XIRP2: variants seen among roughly 807,000 people sequenced by gnomAD.
The protein encoded by XIRP2 is xin actin binding repeat containing 2, also known as xin actin-binding repeat-containing protein 2.
In XIRP2, 236 loss-of-function variants were observed where a neutral mutation model predicts 277.0. The ratio of observed to expected loss-of-function variants is 0.85; its 90% CI spans 0.77 to 0.95. XIRP2 has a LOEUF of 0.95. XIRP2 is among the 40% of genes least tolerant of loss of function. XIRP2 has a pLI of 0.00. For missense variants in XIRP2, 4,640 were observed against 4,157.5 expected, an observed-to-expected ratio of 1.12 and a Z score of -3.19; for synonymous variants, 1,490 against 1,416.5, an observed-to-expected ratio of 1.05 and a Z score of -1.17.
intron 3 of XIRP2, among the ~76,000 whole-genome samples, chr2:167,173,535 T>C (rs1474305933): frequency 2.0e-5 from 3 of 152,230 alleles, no homozygotes; most frequent in Non-Finnish European, 4.4e-5. Context: ...TATCTGTTGA[T>C]GGACATTTAG....
At chr2:167,241,019 C>T (rs1370733234) in intron 7 of XIRP2, among the ~76,000 whole-genome samples, 1 of 152,152 alleles carries the variant, frequency 6.6e-6, no homozygotes, top group Non-Finnish European at 1.5e-5. Context: ...GCCTCAGGGA[C>T]CTACAGTAAA....
In XIRP2 at chr2:167,078,294, A is replaced by G. The variant is rs895551275; in HGVS notation, c.409-57615A>G. 1.5e-4 allele frequency among the ~76,000 whole-genome samples: 23 copies of G among 152,222 alleles called. 1 individual carries two copies. The highest frequency in any genetic ancestry group is 1.3e-3 in the Admixed American group (20 of 15,276). On this transcript the variant is annotated intron_variant, in intron 2 of 10. Transcript: ENST00000409195. ...TCTCAGCTTGAATTTTTTTTGGTGT[A>G]TAGAAATGCTGCAGATTTTTGTACA...
At chr2:167,128,566 AT>A (rs1454794000) in intron 2 of XIRP2, among the ~76,000 whole-genome samples, 2 of 152,100 alleles carry the variant, frequency 1.3e-5, no homozygotes, top group African/African-American at 4.8e-5. Context: ...CCTGGAGCCA[AT>A]CCCCCCTTGG....
At chr2:167,169,768 G>A (rs1439570958) in intron 3 of XIRP2, among the ~76,000 whole-genome samples, 2 of 152,126 alleles carry the variant, frequency 1.3e-5, no homozygotes, top group African/African-American at 4.8e-5. Flanking sequence ...TACCTTGTGA[G>A]CTTGCCATAT....
intron 9 of XIRP2, 139 bp downstream of exon 9, chr2:167,252,086 C>T (rs1274073888): frequency 7.8e-7 from 1 of 1,281,134 alleles, no homozygotes; most frequent in Non-Finnish European, 1.0e-6. Flanking sequence ...CCCATGTATG[C>T]TTATAGACTC....
intron 2 of XIRP2, among the ~76,000 whole-genome samples, chr2:167,051,639 A>G (rs1313123990): frequency 6.6e-6 from 1 of 152,106 alleles, no homozygotes; most frequent in Admixed American, 6.6e-5. Context: ...TAAAATGTTA[A>G]CATGTAGATA....
At position 167,155,235 on chromosome 2, in the gene XIRP2, A is replaced by T. The variant is rs865979751; in HGVS notation, c.562+19173A>T. On this transcript the variant is annotated intron_variant, in intron 3 of 10. Coordinates refer to ENST00000409195, the MANE Select transcript of XIRP2 (RefSeq NM_152381.6). ...AATAGAAAAAGAGGGAATCCTCCCT[A>T]ACTCATTTTATGAGGCCAGCATCAT... is the stretch of plus-strand genomic sequence containing the variant. 6.1e-4 allele frequency among the ~76,000 whole-genome samples: 92 copies of T among 151,912 alleles called. 1 individual carries two copies. The highest frequency in any genetic ancestry group is 8.4e-4 in the South Asian group (4 of 4,776).
intron 5 of XIRP2, among the ~76,000 whole-genome samples, chr2:167,221,055 A>G (rs1694410488): frequency 2.0e-5 from 3 of 152,322 alleles, no homozygotes; most frequent in South Asian, 2.1e-4. Flanking sequence ...AGGATTGAAT[A>G]AAGTTAAGCC....
chr2:167,070,091 T>C (rs1464886073), intron 2 of XIRP2, among the ~76,000 whole-genome samples: 1 of 151,848 alleles, frequency 6.6e-6, no homozygotes, highest in Non-Finnish European at 1.5e-5. Flanking sequence ...CTCCAAACAC[T>C]CTCTCAAGGT....
chr2:167,190,961 G>T (rs1036026960), intron 3 of XIRP2, among the ~76,000 whole-genome samples: 5 of 152,030 alleles, frequency 3.3e-5, no homozygotes, highest in African/African-American at 1.2e-4. Flanking sequence ...CAGCACTTTG[G>T]AAGGCCGAGG....
chr2:167,011,112 A>T (rs1687666013), intron 2 of XIRP2, among the ~76,000 whole-genome samples: 1 of 149,434 alleles, frequency 6.7e-6, no homozygotes. Flanking sequence ...CACTATGTTG[A>T]ATAGGAGTGG....
intron 3 of XIRP2, among the ~76,000 whole-genome samples, chr2:167,178,702 T>C (rs1375817296): frequency 3.3e-5 from 5 of 152,166 alleles, no homozygotes; most frequent in Non-Finnish European, 7.4e-5. Context: ...TAAAATTTGA[T>C]GACCACCTTA....
At chr2:166,985,777 T>C (rs1686988796) in intron 2 of XIRP2, among the ~76,000 whole-genome samples, 1 of 151,746 alleles carries the variant, frequency 6.6e-6, no homozygotes, top group Non-Finnish European at 1.5e-5. Flanking sequence ...GGGTGTGAAG[T>C]GATGTTAGGA....
intron 2 of XIRP2, among the ~76,000 whole-genome samples, chr2:167,078,896 T>C (rs1179164103): frequency 6.6e-6 from 1 of 151,998 alleles, no homozygotes; most frequent in African/African-American, 2.4e-5. Flanking sequence ...CAACAATATA[T>C]TGAATAGGAG....
intron 2 of XIRP2, among the ~76,000 whole-genome samples, chr2:167,020,847 C>A (rs988513372): frequency 9.2e-5 from 14 of 151,964 alleles, no homozygotes; most frequent in African/African-American, 3.4e-4. Flanking sequence ...AAAGGAGTAA[C>A]TTTTTTATTA....
At chr2:167,092,789 T>C (rs57056829) in intron 2 of XIRP2, among the ~76,000 whole-genome samples, 2,208 of 152,198 alleles carry the variant, frequency 0.015, 61 homozygotes, top group African/African-American at 0.051. Flanking sequence ...TGATGATTAT[T>C]TGTGAGTTGT....
At chr2:167,007,556 G>C (rs1687535803) in intron 2 of XIRP2, among the ~76,000 whole-genome samples, 1 of 151,632 alleles carries the variant, frequency 6.6e-6, no homozygotes, top group South Asian at 2.1e-4. Context: ...TCACCCTGGT[G>C]TGGGATATTG....
intron 2 of XIRP2, among the ~76,000 whole-genome samples, chr2:166,904,874 A>G (rs1314183130): frequency 6.6e-6 from 1 of 152,106 alleles, no homozygotes; most frequent in Non-Finnish European, 1.5e-5. Context: ...TAGCCTTCAT[A>G]GAAGCCATCA....
In XIRP2 at chr2:167,246,582, T is replaced by C; in HGVS notation, c.5190T>C (p.Ser1730=). Residue 1730 remains serine (S), a synonymous_variant, in exon 9 of 11, where the codon TCT becomes TCC. Coordinates refer to ENST00000409195, the MANE Select transcript of XIRP2 (RefSeq NM_152381.6). The part of the protein sequence containing the change: ...LLSSTSNNKI[S]ERAKIDASER... Reference sequence around the variant, plus strand: ...CTTCCACATCAAACAATAAAATATCTGAAAGGGCTAAAATTGATGCCTCTG... The same window carrying C: ...CTTCCACATCAAACAATAAAATATCCGAAAGGGCTAAAATTGATGCCTCTG... 6.2e-7 allele frequency: 1 copy of C among 1,613,814 alleles called. No individual in the cohort carries two copies. Among genetic ancestry groups the C allele is most frequent in the Non-Finnish European group, 8.5e-7 (1 of 1,179,852 alleles).
Sources: allele counts gnomAD v4.1 joint callset (sites outside exome capture counted in the v4.1 genomes callset), GRCh38; gene constraint gnomAD v4.1.1; transcripts MANE v1.5; gene names NCBI Gene and HGNC (gene_info 2026-07-23, HGNC 2026-07-21).